CACNA1D: variants seen among roughly 807,000 people sequenced by gnomAD.
CACNA1D encodes the protein calcium voltage-gated channel subunit alpha1 D, also known as voltage-dependent L-type calcium channel subunit alpha-1D.
A neutral mutation model predicts 257.1 loss-of-function variants in CACNA1D; 55 were observed. The observed-to-expected ratio is 0.21, with a 90% CI of 0.17 to 0.27. The LOEUF is 0.27. CACNA1D is among the 10% of genes least tolerant of loss of function. The probability of loss-of-function intolerance (pLI) is 1.00; values close to 1 mark genes in which losing one functional copy is unlikely to be tolerated. For synonymous variants in CACNA1D, 980 were observed against 1,014.9 expected, an observed-to-expected ratio of 0.97 and a Z score of 0.65; for missense variants, 1,876 against 2,784.0, an observed-to-expected ratio of 0.67 and a Z score of 7.34.
Position 53,761,898 on chromosome 3 carries a change from G to T in CACNA1D, c.3787-100G>T. Reference sequence around the variant, plus strand: ...TTTGGCTTTCCCACCCTACCTGGGTGCCATGGGTGCGGCAGGGACTCGGAT... The same window carrying T: ...TTTGGCTTTCCCACCCTACCTGGGTTCCATGGGTGCGGCAGGGACTCGGAT... On this transcript the variant is annotated intron_variant, in intron 29 of 47. Transcript: ENST00000350061. 3.6e-6 allele frequency: 3 copies of T among 830,696 alleles called. No homozygotes were observed. In the Admixed American group the frequency reaches 5.3e-5, roughly 15 times the overall value. 51.5% of individuals were successfully genotyped at this position (830,696 alleles called of 1,614,324 possible).
chr3:53,574,871 C>T (rs2093009107), intron 3 of CACNA1D, among the ~76,000 whole-genome samples: 1 of 152,220 alleles, frequency 6.6e-6, no homozygotes, highest in African/African-American at 2.4e-5. Context: ...GTGAAGCCCA[C>T]AGGGTAAGAC....
At chr3:53,726,318 A>C (rs535498675) in intron 14 of CACNA1D, among the ~76,000 whole-genome samples, 1 of 152,300 alleles carries the variant, frequency 6.6e-6, no homozygotes, top group Non-Finnish European at 1.5e-5. Context: ...AAGGGACTAA[A>C]ACTGGGCTGG....
chr3:53,782,241 T>TGC (rs2095429042), intron 39 of CACNA1D: 5 of 50,876 alleles, frequency 9.8e-5, no homozygotes, highest in African/African-American at 3.3e-4. Flanking sequence ...ACACATACAG[T>TGC]GTGTGTGTGT....
intron 45 of CACNA1D, among the ~76,000 whole-genome samples, chr3:53,807,060 A>C (rs751377388): frequency 6.6e-6 from 1 of 151,654 alleles, no homozygotes; most frequent in Non-Finnish European, 1.5e-5. Context: ...GACCTTGGAC[A>C]GGAAGAACAT....
At position 53,506,130 on chromosome 3, in the gene CACNA1D, CTT is replaced by C. The variant is rs538373312; in HGVS notation, c.483+4412_483+4413del. 1.1e-4 allele frequency among the ~76,000 whole-genome samples: 17 copies of C among 152,300 alleles called. No homozygotes were observed. The South Asian group carries it at 3.5e-3, about 32-fold the overall frequency. ...GGTCTGTATATCATCAAGACTGTGT[CTT>C]TGCATGGTTGTCATTCTGTTGGAAT... On this transcript the variant is annotated intron_variant, in intron 3 of 47. Coordinates refer to ENST00000350061, the MANE Select transcript of CACNA1D (RefSeq NM_001128840.3).
intron 8 of CACNA1D, among the ~76,000 whole-genome samples, chr3:53,678,239 C>T (rs981317050): frequency 6.6e-6 from 1 of 152,144 alleles, no homozygotes. Flanking sequence ...ATTTATAATT[C>T]GCTTATGAAT....
intron 9 of CACNA1D, among the ~76,000 whole-genome samples, chr3:53,713,502 A>G (rs55828703): frequency 0.036 from 4,628 of 129,412 alleles, 228 homozygotes; most frequent in African/African-American, 0.14. Context: ...CTCTGTGTGT[A>G]TGTGTGTGTG....
At chr3:53,776,250 C>T (rs1026085505) in intron 35 of CACNA1D, among the ~76,000 whole-genome samples, 8 of 152,208 alleles carry the variant, frequency 5.3e-5, no homozygotes, top group African/African-American at 1.9e-4. Context: ...TTGGTGCTCA[C>T]TAATCGGCTT....
At chr3:53,638,730 G>A (rs2093914787) in intron 3 of CACNA1D, among the ~76,000 whole-genome samples, 1 of 152,246 alleles carries the variant, frequency 6.6e-6, no homozygotes, top group African/African-American at 2.4e-5. Context: ...TGAGCCCACT[G>A]TCCAAGGTGA....
At chr3:53,697,330 T>C (rs2094581803) in intron 8 of CACNA1D, among the ~76,000 whole-genome samples, 2 of 152,176 alleles carry the variant, frequency 1.3e-5, no homozygotes, top group Admixed American at 1.3e-4. Context: ...GAGTAGGGCT[T>C]GTTTTGTTGG....
At chr3:53,553,123 AG>A (rs1279630511) in intron 3 of CACNA1D, among the ~76,000 whole-genome samples, 1 of 152,254 alleles carries the variant, frequency 6.6e-6, no homozygotes, top group East Asian at 1.9e-4. Flanking sequence ...AGGAAACAAA[AG>A]GTTACTTTAA....
intron 3 of CACNA1D, among the ~76,000 whole-genome samples, chr3:53,572,692 G>C (rs1482080830): frequency 1.6e-4 from 24 of 152,186 alleles, no homozygotes; most frequent in Admixed American, 1.6e-3. Flanking sequence ...GAGCCACAGT[G>C]CCCAGCCTTC....
intron 27 of CACNA1D, among the ~76,000 whole-genome samples, chr3:53,750,185 C>T (rs1190921483): frequency 1.3e-5 from 2 of 152,174 alleles, no homozygotes; most frequent in Admixed American, 6.5e-5. Context: ...GCCTTTTGCT[C>T]GGGTGACGTG....
At chr3:53,534,220 G>A (rs151280086) in intron 3 of CACNA1D, among the ~76,000 whole-genome samples, 59 of 152,354 alleles carry the variant, frequency 3.9e-4, no homozygotes, top group South Asian at 1.2e-3. Flanking sequence ...CAGAAGTGGC[G>A]TGGTGGGTAG....
chr3:53,720,694 G>A (rs577175376), intron 11 of CACNA1D, among the ~76,000 whole-genome samples: 34 of 152,306 alleles, frequency 2.2e-4, no homozygotes, highest in African/African-American at 8.2e-4. Context: ...ATCACAGTTA[G>A]ATACCACTAC....
At chr3:53,522,949 T>C (rs2091634961) in intron 3 of CACNA1D, among the ~76,000 whole-genome samples, 1 of 152,204 alleles carries the variant, frequency 6.6e-6, no homozygotes, top group African/African-American at 2.4e-5. Flanking sequence ...CTGATAACTA[T>C]TATTCTACTC....
At chr3:53,540,354 GA>G (rs2092265119) in intron 3 of CACNA1D, among the ~76,000 whole-genome samples, 1 of 150,990 alleles carries the variant, frequency 6.6e-6, no homozygotes, top group East Asian at 1.9e-4. Context: ...TCGAACTCCT[GA>G]CCTCAAGCAA....
rs575931600 is a variant in CACNA1D, at chr3:53,624,740, A to C, written c.484-26039A>C. ...AGCTGTGGCTGTGACAGAATCAGTA[A>C]TTGGAAATAGAATTTCTGTGATAGT... On this transcript the variant is annotated intron_variant, in intron 3 of 47. Coordinates refer to ENST00000350061, the MANE Select transcript of CACNA1D (RefSeq NM_001128840.3). 6.6e-5 allele frequency among the ~76,000 whole-genome samples: 10 copies of C among 152,366 alleles called. No individual in the cohort carries two copies. The South Asian group carries it at 2.1e-3, about 32-fold the overall frequency.
rs1387793996 is a variant in CACNA1D, at chr3:53,730,357, G to A, written c.2222-85G>A. ...CGGTCACTTACTACCAGCTTCCCGGGATGCAGAGGTGTGTGGCGTTGCCAT... is the reference window on the plus strand; with the variant it reads ...CGGTCACTTACTACCAGCTTCCCGGAATGCAGAGGTGTGTGGCGTTGCCAT... On this transcript the variant is annotated intron_variant, in intron 15 of 47. Transcript: ENST00000350061. 3.4e-6 allele frequency: 3 copies of A among 872,508 alleles called. No homozygotes were observed. In the African/African-American group the frequency reaches 5.0e-5, roughly 14 times the overall value. 54.0% of individuals were successfully genotyped at this position (872,508 alleles called of 1,614,324 possible).
Sources: gnomAD v4.1 joint callset for allele counts (sites outside exome capture counted in the v4.1 genomes callset) on GRCh38, gnomAD v4.1.1 for gene constraint, MANE v1.5 for transcripts, NCBI Gene and HGNC (gene_info 2026-07-23, HGNC 2026-07-21) for gene names.